ALPK1: variants seen among roughly 807,000 people sequenced by gnomAD.
ALPK1 encodes the protein alpha-protein kinase 1.
In ALPK1, 110 loss-of-function variants were observed where a neutral mutation model predicts 120.6. That is an observed-to-expected ratio of 0.91 (90% CI 0.78 to 1.07). The LOEUF (loss-of-function observed/expected upper bound fraction) is 1.07, where lower values mean the gene tolerates loss of function less well. Ranked by LOEUF, ALPK1 falls within the 50% of genes least tolerant of loss-of-function variation. The pLI, the probability that ALPK1 is intolerant of heterozygous loss-of-function variation, is 0.00. For missense variants in ALPK1, 1,498 were observed against 1,483.9 expected (o/e 1.01, Z -0.16); for synonymous variants, 582 against 560.3 (o/e 1.04, Z -0.55).
chr4:112,309,803 G>A (rs192294945), intron 1 of ALPK1, among the ~76,000 whole-genome samples: 33 of 151,900 alleles, frequency 2.2e-4, no homozygotes, highest in African/African-American at 3.6e-4. Context: ...CATTTCCTTC[G>A]TTTGTGGCCT....
At chr4:112,401,489 G>A (rs1410643679) in intron 4 of ALPK1, among the ~76,000 whole-genome samples, 5 of 152,206 alleles carry the variant, frequency 3.3e-5, no homozygotes, top group African/African-American at 1.2e-4. Context: ...GACCAACCAT[G>A]AGAGTAGGTG....
chr4:112,418,321 C>A (rs1163297035), intron 5 of ALPK1, among the ~76,000 whole-genome samples: 7 of 152,184 alleles, frequency 4.6e-5, no homozygotes, highest in African/African-American at 1.7e-4. Context: ...TAGAACTCAC[C>A]ACAAAGCTGC....
chr4:112,313,075 A>G (rs1273520593), intron 1 of ALPK1, among the ~76,000 whole-genome samples: 1 of 152,244 alleles, frequency 6.6e-6, no homozygotes, highest in Non-Finnish European at 1.5e-5. Flanking sequence ...ATGTGAACTC[A>G]AGTGCAGATA....
chr4:112,360,394 G>T (rs1387020881), intron 2 of ALPK1, among the ~76,000 whole-genome samples: 1 of 152,150 alleles, frequency 6.6e-6, no homozygotes, highest in Admixed American at 6.5e-5. Context: ...ATATGGAAGT[G>T]CAGAAATCTC....
Position 112,432,546 on chromosome 4 carries a change from G to A in ALPK1, c.2999G>A (p.Gly1000Glu). Residue 1000 changes from glycine to glutamate, a missense_variant, in exon 11 of 16, where the codon GGG (glycine) becomes GAG (glutamate). By Grantham distance (98) the Gly-to-Glu change is moderately conservative (BLOSUM62 -2). Transcript: ENST00000650871. Reference protein sequence around the residue: ...DWLFQRLENTGVFKPSQLHRA... With the variant: ...DWLFQRLENTEVFKPSQLHRA... ...CTGTTTCAGAGACTAGAGAATACGG[G>A]GGTTTTTAAGCCCAGTCAACTCCAC... The A allele has an allele frequency of 6.2e-7, 1 of 1,613,688 alleles. No homozygotes were observed.
intron 7 of ALPK1, 23 bp from the exon 8 acceptor site, chr4:112,426,444 C>A: frequency 6.3e-7 from 1 of 1,587,944 alleles, no homozygotes; most frequent in South Asian, 1.1e-5. Flanking sequence ...TGTCCCTCTC[C>A]CCGCCCCTCT....
chr4:112,379,023 A>T (rs918795488), intron 3 of ALPK1, among the ~76,000 whole-genome samples: 1 of 152,170 alleles, frequency 6.6e-6, no homozygotes, highest in Non-Finnish European at 1.5e-5. Context: ...AGGGAATGGC[A>T]GGTACTTGGC....
chr4:112,304,622 C>T (rs1727943718), intron 1 of ALPK1, among the ~76,000 whole-genome samples: 1 of 151,760 alleles, frequency 6.6e-6, no homozygotes, highest in Non-Finnish European at 1.5e-5. Flanking sequence ...GTAAGTTTGT[C>T]CAAGTTCTTT....
At chr4:112,414,182 A>G (rs1219363247) in intron 5 of ALPK1, 5 of 444,732 alleles carry the variant, frequency 1.1e-5, no homozygotes, top group Non-Finnish European at 2.3e-5. Flanking sequence ...GTAAGAGGTA[A>G]GGAAGAAAAA....
At chr4:112,345,520 C>T (rs1354451425) in intron 2 of ALPK1, among the ~76,000 whole-genome samples, 1 of 152,136 alleles carries the variant, frequency 6.6e-6, no homozygotes. Flanking sequence ...GAGGCCGAAG[C>T]CCAATTTTGT....
Position 112,432,173 on chromosome 4 carries a change from A to G in ALPK1, c.2626A>G (p.Ile876Val). 2 of 1,614,190 alleles carry G rather than the reference A, an allele frequency of 1.2e-6. No homozygotes were observed. The highest frequency in any genetic ancestry group is 2.2e-5 in the East Asian group (1 of 44,876). The change falls in exon 11 of 16, where the codon ATT (isoleucine) becomes GTT (valine). Residue 876 changes from isoleucine to valine, a missense_variant. Physicochemically the swap from Ile to Val is conservative, Grantham distance 29. Transcript: ENST00000650871. ...TGGGCACGGCTCTCATAGACTGTGCATTCTGAGACAGCCGCCTGGTCAGAG... is the reference window on the plus strand; with the variant it reads ...TGGGCACGGCTCTCATAGACTGTGCGTTCTGAGACAGCCGCCTGGTCAGAG... ...TNGHGSHRLCILRQPPGQRAE... is the reference protein window; with the variant it reads ...TNGHGSHRLCVLRQPPGQRAE...
intron 4 of ALPK1, among the ~76,000 whole-genome samples, chr4:112,401,040 AG>A (rs1334167723): frequency 1.3e-5 from 2 of 152,344 alleles, no homozygotes; most frequent in East Asian, 1.9e-4. Flanking sequence ...GATTGTTAAA[AG>A]AAACCGATGC....
intron 2 of ALPK1, among the ~76,000 whole-genome samples, chr4:112,355,455 G>A (rs1730559525): frequency 3.9e-5 from 6 of 152,122 alleles, no homozygotes; most frequent in African/African-American, 9.7e-5. Flanking sequence ...TCCAGGTTCT[G>A]GGCAAGGGGC....
chr4:112,421,967 T>C (rs1734013871), intron 5 of ALPK1, among the ~76,000 whole-genome samples: 2 of 152,192 alleles, frequency 1.3e-5, no homozygotes, highest in South Asian at 4.1e-4. Flanking sequence ...ATTGCCAGCA[T>C]CACTACTCCT....
At chr4:112,410,218 C>T (rs1183722653) in intron 4 of ALPK1, among the ~76,000 whole-genome samples, 1 of 152,042 alleles carries the variant, frequency 6.6e-6, no homozygotes, top group East Asian at 1.9e-4. Context: ...CCTCTCCAGA[C>T]TCCCAGCAGC....
chr4:112,323,198 A>G (rs887561810), intron 2 of ALPK1, among the ~76,000 whole-genome samples: 9 of 152,146 alleles, frequency 5.9e-5, no homozygotes, highest in Admixed American at 5.2e-4. Context: ...CCATCTTTCA[A>G]TGTCCTAGTC....
At chr4:112,419,146 T>C (rs1408543556) in intron 5 of ALPK1, among the ~76,000 whole-genome samples, 1 of 152,236 alleles carries the variant, frequency 6.6e-6, no homozygotes, top group Non-Finnish European at 1.5e-5. Flanking sequence ...CTTTTAAGAA[T>C]AGAGATTGCT....
chr4:112,398,894 C>T (rs986465530), intron 4 of ALPK1, among the ~76,000 whole-genome samples: 3 of 152,040 alleles, frequency 2.0e-5, no homozygotes, highest in Admixed American at 6.6e-5. Context: ...GAGTCACAAA[C>T]GTGGAGTCAA....
chr4:112,407,423 A>G (rs762593136), intron 4 of ALPK1, among the ~76,000 whole-genome samples: 17 of 152,228 alleles, frequency 1.1e-4, no homozygotes, highest in Non-Finnish European at 1.9e-4. Flanking sequence ...GGCTGCAGTG[A>G]GCTATATGAT....
Sources: gnomAD v4.1 joint callset for allele counts (sites outside exome capture counted in the v4.1 genomes callset) on GRCh38, gnomAD v4.1.1 for gene constraint, MANE v1.5 for transcripts, NCBI Gene and HGNC (gene_info 2026-07-23, HGNC 2026-07-21) for gene names.